The following DPY30 variants were observed in gnomAD, a reference collection of about 807,000 sequenced individuals.
DPY30 encodes dpy-30 histone methyltransferase complex regulatory subunit, also known as protein dpy-30 homolog.
A neutral mutation model predicts 16.2 loss-of-function variants in DPY30; 6 were observed. The observed-to-expected ratio is 0.37, with a 90% CI of 0.20 to 0.73. The LOEUF (loss-of-function observed/expected upper bound fraction) is 0.73, where lower values mean the gene tolerates loss of function less well. Ranked by LOEUF, DPY30 falls within the 30% of genes least tolerant of loss-of-function variation. DPY30 has a pLI of 0.51. For synonymous variants in DPY30, 39 were observed against 38.8 expected (o/e 1.00, Z -0.02); for missense variants, 73 against 113.1 (o/e 0.65, Z 1.61).
At chr2:32,018,449 C>T (rs766408423) in intron 5 of DPY30, among the ~76,000 whole-genome samples, 1 of 152,114 alleles carries the variant, frequency 6.6e-6, no homozygotes, top group Non-Finnish European at 1.5e-5. Context: ...AAATGTCAGC[C>T]AGGCACAGTG....
At chr2:32,023,469 C>T (rs1236509654), downstream of DPY30, 1 of 473,302 alleles carries the variant, frequency 2.1e-6, no homozygotes, top group Non-Finnish European at 4.4e-6. Context: ...AAGTCTGTTT[C>T]CTCATCTGCA....
In DPY30 at chr2:32,039,570, C is replaced by T. The variant is rs962977624; in HGVS notation, c.-36-78G>A. ...TCCAGGATGGAGTGCAGCCCAGCCCCCGACCCCGCCCCTCACCCCCACCTG... is the reference window on the plus strand; with the variant it reads ...TCCAGGATGGAGTGCAGCCCAGCCCTCGACCCCGCCCCTCACCCCCACCTG... On this transcript the variant is annotated intron_variant, in intron 1 of 4. Coordinates refer to ENST00000342166, the MANE Select transcript of DPY30 (RefSeq NM_001321209.2). 3.5e-6 allele frequency: 5 copies of T among 1,422,278 alleles called. No individual in the cohort carries two copies. The African/African-American group carries it at 7.1e-5, about 20-fold the overall frequency. The allele number at this position is 1,422,278 out of a possible 1,614,324, so 88.1% of individuals were successfully genotyped here.
At chr2:32,016,625 C>T (rs1675070817) in intron 5 of DPY30, among the ~76,000 whole-genome samples, 2 of 152,032 alleles carry the variant, frequency 1.3e-5, no homozygotes, top group African/African-American at 2.4e-5. Context: ...CTATCCAACC[C>T]ACTCTCCTCC....
At chr2:32,030,379 C>T (rs142120587) in intron 3 of DPY30, among the ~76,000 whole-genome samples, 1,910 of 152,162 alleles carry the variant, frequency 0.013, 43 homozygotes, top group African/African-American at 0.044. Context: ...GCCTGTAATC[C>T]CAGCACTTTG....
intron 5 of DPY30, among the ~76,000 whole-genome samples, chr2:32,015,715 C>T (rs1675051540): frequency 6.6e-6 from 1 of 151,948 alleles, no homozygotes; most frequent in Admixed American, 6.6e-5. Context: ...TAGCACGCCC[C>T]TGTAGTACCG....
At chr2:32,030,286 T>C (rs999922166) in intron 3 of DPY30, among the ~76,000 whole-genome samples, 2 of 152,112 alleles carry the variant, frequency 1.3e-5, no homozygotes, top group African/African-American at 4.8e-5. Flanking sequence ...GTTTCTTTTT[T>C]AAAGAAATAT....
intron 5 of DPY30, among the ~76,000 whole-genome samples, chr2:32,012,290 T>C (rs1207960299): frequency 6.6e-6 from 1 of 151,948 alleles, no homozygotes; most frequent in Non-Finnish European, 1.5e-5. Context: ...TACCTTTTTC[T>C]AATTAGGCTA....
intron 4 of DPY30, among the ~76,000 whole-genome samples, chr2:32,028,462 T>C (rs1040402303): frequency 6.6e-6 from 1 of 152,188 alleles, no homozygotes; most frequent in East Asian, 1.9e-4. Flanking sequence ...TGAGAAATAC[T>C]GGGGAAAACA....
intron 3 of DPY30, among the ~76,000 whole-genome samples, chr2:32,038,198 T>TGC (rs1675820416): frequency 6.9e-6 from 1 of 145,762 alleles, no homozygotes; most frequent in Non-Finnish European, 1.5e-5. Context: ...TGCAGTGGCA[T>TGC]GATCTCGGCT....
chr2:32,026,107 CA>C (rs546752868), intron 4 of DPY30, among the ~76,000 whole-genome samples: 8 of 146,368 alleles, frequency 5.5e-5, no homozygotes, highest in Admixed American at 1.4e-4. Context: ...GACTCCATGT[CA>C]AAAAAAAAAA....
chr2:32,038,837 G>T (rs901911144), intron 3 of DPY30, among the ~76,000 whole-genome samples: 5 of 151,802 alleles, frequency 3.3e-5, no homozygotes, highest in Admixed American at 1.3e-4. Flanking sequence ...TAGTAGAGAC[G>T]GGGTTTCACC....
intron 5 of DPY30, among the ~76,000 whole-genome samples, chr2:32,017,178 C>T (rs572538942): frequency 3.4e-4 from 51 of 152,204 alleles, no homozygotes; most frequent in Admixed American, 8.5e-4. Context: ...CCACGGCGCC[C>T]GGCCATATAG....
chr2:32,033,418 A>C (rs1256254436), intron 3 of DPY30, among the ~76,000 whole-genome samples: 2 of 152,224 alleles, frequency 1.3e-5, no homozygotes, highest in African/African-American at 4.8e-5. Flanking sequence ...CACGCCTGTA[A>C]TCCCAGCACT....
At chr2:32,026,989 A>AT (rs1675356334) in intron 4 of DPY30, among the ~76,000 whole-genome samples, 1 of 151,160 alleles carries the variant, frequency 6.6e-6, no homozygotes, top group Admixed American at 6.6e-5. Flanking sequence ...GAATAGGGGA[A>AT]TAAGGGCCAG....
At chr2:32,021,773 CTTATA>C (rs1379164222), downstream of DPY30, among the ~76,000 whole-genome samples, 10 of 151,442 alleles carry the variant, frequency 6.6e-5, no homozygotes, top group South Asian at 4.2e-4. Context: ...ATAAATAATA[CTTATA>C]TTATGTACAA....
At chr2:32,019,831 A>T (rs1483714369), downstream of DPY30, among the ~76,000 whole-genome samples, 5 of 140,622 alleles carry the variant, frequency 3.6e-5, no homozygotes, top group South Asian at 2.2e-4. Flanking sequence ...AAAAAAAAAA[A>T]AAAAATATAT....
chr2:32,020,374 C>T (rs1234198665), downstream of DPY30, among the ~76,000 whole-genome samples: 1 of 152,076 alleles, frequency 6.6e-6, no homozygotes, highest in Non-Finnish European at 1.5e-5. Flanking sequence ...ATTAGCCAGG[C>T]TCAGCAGTAT....
At chr2:32,021,100 CTG>C (rs969330574), downstream of DPY30, 2 of 152,160 alleles carry the variant, frequency 1.3e-5, no homozygotes, top group African/African-American at 4.8e-5. Context: ...GAAACCCCGT[CTG>C]TAAGAAAATA....
In DPY30 at chr2:32,038,252, C is replaced by T. The variant is rs565491565; in HGVS notation, c.84+1027G>A. 2.6e-3 allele frequency among the ~76,000 whole-genome samples: 391 copies of T among 150,546 alleles called. 1 individual carries two copies. The highest frequency in any genetic ancestry group is 4.0e-3 in the Non-Finnish European group (271 of 67,710). On this transcript the variant is annotated intron_variant, in intron 3 of 4. Coordinates refer to ENST00000342166, the MANE Select transcript of DPY30 (RefSeq NM_001321209.2). ...TCGGGTTCAAGCGATTCGCGATTCT[C>T]CTGCCTCAGCCTCCCGAGTAGCTGG...
Sources: allele counts gnomAD v4.1 joint callset (sites outside exome capture counted in the v4.1 genomes callset), GRCh38; gene constraint gnomAD v4.1.1; transcripts MANE v1.5; gene names NCBI Gene and HGNC (gene_info 2026-07-23, HGNC 2026-07-21).